The following FARS2 variants were observed in gnomAD, a reference collection of about 807,000 sequenced individuals.
FARS2 encodes phenylalanine--tRNA ligase, mitochondrial.
Under a neutral mutation model 46.4 loss-of-function variants are expected in FARS2, and 40 were observed. That is an observed-to-expected ratio of 0.86 (90% CI 0.67 to 1.12). The LOEUF is 1.12. Ranked by LOEUF, FARS2 falls within the 50% of genes most tolerant of loss-of-function variation. FARS2 has a pLI of 0.00. For missense variants in FARS2, 513 were observed against 567.9 expected, an observed-to-expected ratio of 0.90 and a Z score of 0.98; for synonymous variants, 234 against 214.9, an observed-to-expected ratio of 1.09 and a Z score of -0.78.
At chr6:5,381,400 CACACAT>C (rs371264012) in intron 2 of FARS2, among the ~76,000 whole-genome samples, 3,077 of 128,078 alleles carry the variant, frequency 0.024, 85 homozygotes, top group African/African-American at 0.075. Context: ...CACACACACA[CACACAT>C]ACACACACAC....
chr6:5,306,907 T>C (rs561016729), intron 1 of FARS2, among the ~76,000 whole-genome samples: 1 of 151,978 alleles, frequency 6.6e-6, no homozygotes, highest in South Asian at 2.1e-4. Flanking sequence ...ATTAACATTT[T>C]TTAACTGATA....
chr6:5,621,381 A>G (rs1437252357), intron 6 of FARS2, among the ~76,000 whole-genome samples: 2 of 152,082 alleles, frequency 1.3e-5, no homozygotes, highest in Non-Finnish European at 2.9e-5. Context: ...GTGAACCACT[A>G]CACCTGGCCA....
intron 1 of FARS2, among the ~76,000 whole-genome samples, chr6:5,340,420 A>G (rs1384396206): frequency 6.6e-6 from 1 of 152,202 alleles, no homozygotes; most frequent in Non-Finnish European, 1.5e-5. Context: ...GTGAAAGGTT[A>G]ATCCTACTGT....
At chr6:5,299,387 C>T (rs912014009) in intron 1 of FARS2, among the ~76,000 whole-genome samples, 2 of 152,060 alleles carry the variant, frequency 1.3e-5, no homozygotes, top group African/African-American at 2.4e-5. Context: ...TTTTTGGTTT[C>T]AAGGAATGCT....
intron 2 of FARS2, among the ~76,000 whole-genome samples, chr6:5,370,552 A>G (rs1310015353): frequency 6.6e-6 from 1 of 152,222 alleles, no homozygotes; most frequent in Non-Finnish European, 1.5e-5. Context: ...TGATGCCAGT[A>G]ATATGACGTC....
rs74533640 is a variant in FARS2 at position 5,364,169 on chromosome 6, A to G, written c.-21-4381A>G. Reference sequence around the variant, plus strand: ...TCACTTTTAACCCTGAATTCAGCTCATCTTACCCGTTACACACTGGGCAAT... The same window carrying G: ...TCACTTTTAACCCTGAATTCAGCTCGTCTTACCCGTTACACACTGGGCAAT... On this transcript the variant is annotated intron_variant, in intron 1 of 6. Coordinates refer to ENST00000274680, the MANE Select transcript of FARS2 (RefSeq NM_006567.5). 9.2e-3 allele frequency among the ~76,000 whole-genome samples: 1,404 copies of G among 152,248 alleles called. 21 individuals are homozygous for G. The highest frequency in any genetic ancestry group is 0.043 in the South Asian group (207 of 4,820).
intron 5 of FARS2, among the ~76,000 whole-genome samples, chr6:5,599,618 A>G (rs531273342): frequency 6.6e-6 from 1 of 152,346 alleles, no homozygotes; most frequent in South Asian, 2.1e-4. Flanking sequence ...CTGCTATACA[A>G]TTCACCCATT....
At chr6:5,346,873 C>G (rs1053954626) in intron 1 of FARS2, among the ~76,000 whole-genome samples, 1 of 150,642 alleles carries the variant, frequency 6.6e-6, no homozygotes, top group Non-Finnish European at 1.5e-5. Flanking sequence ...AATTTCCATA[C>G]AGTGAACTTC....
chr6:5,727,336 G>A lies in FARS2; in HGVS notation c.1218-43955G>A, dbSNP rs1042625180. Among the ~76,000 whole-genome samples, 20 of 152,308 alleles carry A rather than the reference G, an allele frequency of 1.3e-4. No homozygotes were observed. The highest frequency in any genetic ancestry group is 2.2e-4 in the Non-Finnish European group (15 of 68,020). On this transcript the variant is annotated intron_variant, in intron 6 of 6. Coordinates refer to ENST00000274680, the MANE Select transcript of FARS2 (RefSeq NM_006567.5). The surrounding 1 kb of genome is among the most constrained non-coding windows in gnomAD (Gnocchi z 4.1). ...CTCCCTTGGTCTCCTGGAACACTGC[G>A]TTTGTGCCTGTCTCACAGCGCCTGC...
intron 6 of FARS2, among the ~76,000 whole-genome samples, chr6:5,722,838 C>A (rs1759999769): frequency 6.6e-6 from 1 of 152,168 alleles, no homozygotes; most frequent in African/African-American, 2.4e-5. Context: ...GGGGCCACGA[C>A]TGGGTTTGAA....
intron 1 of FARS2, among the ~76,000 whole-genome samples, chr6:5,354,608 G>A (rs1643302609): frequency 6.6e-6 from 1 of 151,556 alleles, no homozygotes. Flanking sequence ...CCGCCTCCCA[G>A]GTTCATGCCA....
At chr6:5,308,101 T>C (rs1250849777) in intron 1 of FARS2, among the ~76,000 whole-genome samples, 1 of 151,110 alleles carries the variant, frequency 6.6e-6, no homozygotes, top group Non-Finnish European at 1.5e-5. Flanking sequence ...TTTTTAAAAA[T>C]GGCTTGCTAC....
At chr6:5,767,211 A>G (rs1762799509) in intron 6 of FARS2, among the ~76,000 whole-genome samples, 1 of 151,542 alleles carries the variant, frequency 6.6e-6, no homozygotes, top group Non-Finnish European at 1.5e-5. Flanking sequence ...GCCCTCCACC[A>G]CACCTGGCTA....
intron 6 of FARS2, among the ~76,000 whole-genome samples, chr6:5,619,118 C>G (rs1775631083): frequency 6.6e-6 from 1 of 152,162 alleles, no homozygotes; most frequent in Non-Finnish European, 1.5e-5. Flanking sequence ...TAGCCATTGC[C>G]TTTAGCTGCC....
chr6:5,707,026 A>G (rs1191746347), intron 6 of FARS2, among the ~76,000 whole-genome samples: 5 of 152,248 alleles, frequency 3.3e-5, no homozygotes, highest in African/African-American at 9.6e-5. Context: ...AGGCACGATC[A>G]GCACAGAACC....
intron 1 of FARS2, among the ~76,000 whole-genome samples, chr6:5,264,496 T>C (rs1021581155): frequency 7.2e-6 from 1 of 139,006 alleles, no homozygotes; most frequent in African/African-American, 2.8e-5. Flanking sequence ...TTCTTTTTTC[T>C]TTTTTTTTTT....
chr6:5,580,063 A>G (rs1203862625), intron 5 of FARS2, among the ~76,000 whole-genome samples: 3 of 152,034 alleles, frequency 2.0e-5, no homozygotes, highest in Non-Finnish European at 4.4e-5. Flanking sequence ...AGGCCTAGGC[A>G]GGCGGATCAT....
chr6:5,282,734 A>G (rs182013781), intron 1 of FARS2, among the ~76,000 whole-genome samples: 6 of 152,332 alleles, frequency 3.9e-5, no homozygotes, highest in Admixed American at 3.9e-4. Flanking sequence ...CGTCAATCAG[A>G]GAAGATAAGT....
intron 2 of FARS2, 65 bp downstream of exon 2, chr6:5,369,247 C>T: frequency 3.3e-6 from 5 of 1,505,676 alleles, no homozygotes; most frequent in Non-Finnish European, 3.6e-6. Flanking sequence ...AGGTCACTAA[C>T]ATTTAGCTCG....
Sources: allele counts gnomAD v4.1 joint callset (sites outside exome capture counted in the v4.1 genomes callset), GRCh38; gene constraint gnomAD v4.1.1; non-coding constraint Gnocchi (gnomAD v3.1); transcripts MANE v1.5; gene names NCBI Gene and HGNC (gene_info 2026-07-23, HGNC 2026-07-21).